ASB7: variants seen among roughly 807,000 people sequenced by gnomAD.
The protein encoded by ASB7 is ankyrin repeat and SOCS box protein 7.
Under a neutral mutation model 32.5 loss-of-function variants are expected in ASB7, and 4 were observed. The observed-to-expected ratio is 0.12, with a 90% CI of 0.06 to 0.28. The LOEUF (loss-of-function observed/expected upper bound fraction) is 0.28. Among genes scored for constraint, ASB7 ranks in the 10% least tolerant of loss-of-function variants. The pLI is 1.00. For synonymous variants in ASB7, 172 were observed against 155.6 expected (o/e 1.11, Z -0.78); for missense variants, 181 against 407.1 (o/e 0.44, Z 4.78).
At chr15:100,623,561 A>G (rs1008955917) in intron 4 of ASB7, among the ~76,000 whole-genome samples, 1 of 152,240 alleles carries the variant, frequency 6.6e-6, no homozygotes, top group African/African-American at 2.4e-5. Context: ...TGTAATGGCT[A>G]CTGTTAAAAA....
At chr15:100,609,229 A>G (rs1322574247) in intron 2 of ASB7, among the ~76,000 whole-genome samples, 3 of 152,238 alleles carry the variant, frequency 2.0e-5, no homozygotes, top group African/African-American at 7.2e-5. Context: ...AAGAAAATGC[A>G]TTTAAAGACA....
chr15:100,635,600 G>A (rs112444139), intron 5 of ASB7, among the ~76,000 whole-genome samples: 1 of 152,184 alleles, frequency 6.6e-6, no homozygotes, highest in African/African-American at 2.4e-5. Flanking sequence ...AAGCAGCCTC[G>A]TTGGAGAGAG....
chr15:100,645,833 C>T (rs751191270), intron 5 of ASB7: 29 of 1,205,016 alleles, frequency 2.4e-5, no homozygotes, highest in East Asian at 1.2e-4. Context: ...ACATCCCACA[C>T]GCTAATTTCA....
chr15:100,616,823 G>A (rs2039747882), intron 4 of ASB7, among the ~76,000 whole-genome samples: 1 of 152,174 alleles, frequency 6.6e-6, no homozygotes, highest in Non-Finnish European at 1.5e-5. Context: ...GGCCACCTGT[G>A]GTGCTTAGGC....
At chr15:100,641,556 A>G (rs1020105385) in intron 5 of ASB7, among the ~76,000 whole-genome samples, 2 of 152,258 alleles carry the variant, frequency 1.3e-5, no homozygotes, top group Non-Finnish European at 2.9e-5. Context: ...TTATACAGGT[A>G]AAAGCCCTCA....
intron 5 of ASB7, among the ~76,000 whole-genome samples, chr15:100,640,260 T>C (rs1305085341): frequency 6.6e-6 from 1 of 152,196 alleles, no homozygotes; most frequent in South Asian, 2.1e-4. Flanking sequence ...TTCTCCTGCC[T>C]CAGCCTCCTG....
chr15:100,604,465 C>T (rs1488043970), intron 2 of ASB7, among the ~76,000 whole-genome samples: 2 of 152,124 alleles, frequency 1.3e-5, no homozygotes, highest in African/African-American at 2.4e-5. Flanking sequence ...CAAGGAAGTG[C>T]TTAAAATAGC....
chr15:100,630,968 C>T, intron 5 of ASB7, among the ~76,000 whole-genome samples: 1 of 152,158 alleles, frequency 6.6e-6, no homozygotes, highest in East Asian at 1.9e-4. Flanking sequence ...TCCTGGGTAC[C>T]AGCTACTAGA....
chr15:100,643,551 G>A (rs372085613), intron 5 of ASB7, among the ~76,000 whole-genome samples: 115 of 145,130 alleles, frequency 7.9e-4, no homozygotes, highest in African/African-American at 2.5e-3. Context: ...GTGCAGTGGC[G>A]CAATCTTGGC....
chr15:100,614,272 CAAAA>C (rs36083050), intron 4 of ASB7, among the ~76,000 whole-genome samples: 26 of 88,572 alleles, frequency 2.9e-4, no homozygotes, highest in Non-Finnish European at 2.2e-4. Context: ...AAACTCTGCT[CAAAA>C]AAAAAAAAAA....
At chr15:100,609,165 G>C (rs1231387066) in intron 2 of ASB7, among the ~76,000 whole-genome samples, 1 of 152,178 alleles carries the variant, frequency 6.6e-6, no homozygotes, top group Admixed American at 6.5e-5. Flanking sequence ...TTCGGTGTAT[G>C]CATAAAGGAA....
chr15:100,629,919 A>T lies in ASB7; in HGVS notation c.694A>T (p.Met232Leu). ...ALRDDVLCARMLYNYGADTNT... is the reference protein window; with the variant it reads ...ALRDDVLCARLLYNYGADTNT... ...TAGGGATGATGTGCTGTGTGCACGGATGTTATATAATTACGGAGCAGACAC... is the reference window on the plus strand; with the variant it reads ...TAGGGATGATGTGCTGTGTGCACGGTTGTTATATAATTACGGAGCAGACAC... Residue 232 changes from methionine (M) to leucine (L), a missense_variant, in exon 5 of 6, where the codon ATG (methionine) becomes TTG (leucine). Coordinates refer to ENST00000332783, the MANE Select transcript of ASB7 (RefSeq NM_198243.3). The surrounding 1 kb of genome is among the most constrained non-coding windows in gnomAD (Gnocchi z 6.8). The T allele has an allele frequency of 6.2e-7, 1 of 1,614,186 alleles. No homozygotes were observed. The highest frequency in any genetic ancestry group is 1.1e-5 in the South Asian group (1 of 91,076).
At chr15:100,623,758 ATTAGTACAACCTC>A (rs897022447) in intron 4 of ASB7, among the ~76,000 whole-genome samples, 8 of 152,350 alleles carry the variant, frequency 5.3e-5, no homozygotes, top group Non-Finnish European at 1.0e-4. Context: ...GGGACTGTAA[ATTAGTACAACCTC>A]TGTGGAAAAC....
chr15:100,645,855 T>TA, intron 5 of ASB7: 1 of 1,004,776 alleles, frequency 1.0e-6, no homozygotes, highest in Non-Finnish European at 1.6e-6. Flanking sequence ...GGTCCCAAGA[T>TA]ACGCTGCAGA....
At chr15:100,625,157 T>C (rs1361098394) in intron 4 of ASB7, among the ~76,000 whole-genome samples, 1 of 152,226 alleles carries the variant, frequency 6.6e-6, no homozygotes, top group African/African-American at 2.4e-5. Flanking sequence ...AATTCTTTCC[T>C]TTTAAGATCA....
At position 100,633,111 on chromosome 15, in the gene ASB7, C is replaced by T. The variant is rs116668443; in HGVS notation, c.817+3069C>T. Among the ~76,000 whole-genome samples the T allele has an allele frequency of 6.6e-3, 1,006 of 151,874 alleles. 15 individuals carry two copies. Among genetic ancestry groups the T allele is most frequent in the African/African-American group, 0.023 (960 of 41,380 alleles). ...AACACAGCTAAGAGGAGCCATAGCA[C>T]CTGCCTGAATAATGAGCGCCACCTG... On this transcript the variant is annotated intron_variant, in intron 5 of 5. Transcript: ENST00000332783.
chr15:100,604,202 A>G (rs913146429), intron 2 of ASB7, among the ~76,000 whole-genome samples: 2 of 152,244 alleles, frequency 1.3e-5, no homozygotes, highest in African/African-American at 4.8e-5. Flanking sequence ...GCTGGATTGA[A>G]ATTTAAGCAT....
chr15:100,631,525 T>G (rs1049737248), intron 5 of ASB7, among the ~76,000 whole-genome samples: 1 of 152,196 alleles, frequency 6.6e-6, no homozygotes, highest in Non-Finnish European at 1.5e-5. Flanking sequence ...TTCTCTCAAC[T>G]TCTACATTAG....
intron 2 of ASB7, among the ~76,000 whole-genome samples, chr15:100,607,317 C>A (rs942434435): frequency 1.3e-5 from 2 of 152,162 alleles, no homozygotes; most frequent in African/African-American, 4.8e-5. Context: ...ATATTTACCA[C>A]TAGATATTGT....
Sources: allele counts gnomAD v4.1 joint callset (sites outside exome capture counted in the v4.1 genomes callset), GRCh38; gene constraint gnomAD v4.1.1; non-coding constraint Gnocchi (gnomAD v3.1); transcripts MANE v1.5; gene names NCBI Gene and HGNC (gene_info 2026-07-23, HGNC 2026-07-21).